MYCBPAP: variants seen among roughly 807,000 people sequenced by gnomAD.
The protein encoded by MYCBPAP is MYCBP associated protein.
A neutral mutation model predicts 106.1 loss-of-function variants in MYCBPAP; 60 were observed. The observed-to-expected ratio is 0.57, with a 90% CI of 0.46 to 0.70. The LOEUF (loss-of-function observed/expected upper bound fraction) is 0.70. Among genes scored for constraint, MYCBPAP ranks in the 30% least tolerant of loss-of-function variants. The pLI is 0.00. For synonymous variants in MYCBPAP, 407 were observed against 440.6 expected (o/e 0.92, Z 0.95); for missense variants, 1,064 against 1,169.3 (o/e 0.91, Z 1.31).
In MYCBPAP at chr17:50,508,587, T is replaced by C; in HGVS notation, c.-88T>C. The C allele has an allele frequency of 6.4e-7, 1 of 1,554,340 alleles. No homozygotes were observed. Among genetic ancestry groups the C allele is most frequent in the Non-Finnish European group, 8.7e-7 (1 of 1,148,444 alleles). On this transcript the variant is annotated 5_prime_UTR_variant, in exon 1 of 19. Coordinates refer to ENST00000323776, the MANE Select transcript of MYCBPAP (RefSeq NM_032133.6). ...GGGGCACCGGTTGCTGTGGACGCAG[T>C]GGCGGCCGTTGGCTGGCGGGTGCGG... is the stretch of plus-strand genomic sequence containing the variant.
At position 50,518,667 on chromosome 17, in the gene MYCBPAP, C is replaced by T. The variant is rs1422476259; in HGVS notation, c.595C>T (p.Leu199=). ...GGCCCCACCTCCTCAGCACAACTTT[C>T]TGAAAAACTGGCAGCGTAACACAGC... The part of the protein sequence containing the change: ...PWAPPPQHNF[L]KNWQRNTALR... Residue 199 remains leucine (L), a synonymous_variant, in exon 5 of 19, where the codon CTG becomes TTG. Transcript: ENST00000323776. 23 of 1,606,796 alleles carry T rather than the reference C, an allele frequency of 1.4e-5. No homozygotes were observed. The highest frequency in any genetic ancestry group is 2.0e-5 in the Non-Finnish European group (23 of 1,177,732).
At chr17:50,528,921 G>A in intron 17 of MYCBPAP, 81 bp downstream of exon 17, 1 of 1,598,542 alleles carries the variant, frequency 6.3e-7, no homozygotes. Context: ...GTGGAGGTGG[G>A]CATGTGCCCA....
rs200305585 is a variant in MYCBPAP at position 50,524,915 on chromosome 17, C to T, written c.1674C>T (p.Arg558=). The T allele has an allele frequency of 1.7e-5, 28 of 1,614,022 alleles. No homozygotes were observed. The highest frequency in any genetic ancestry group is 2.2e-5 in the East Asian group (1 of 44,882). Residue 558 remains arginine (R), a synonymous_variant, in exon 13 of 19, where the codon CGC becomes CGT. Transcript: ENST00000323776. Reference sequence around the variant, plus strand: ...CCCATGAGGCAGTCACCGTCGTTCGCGAAGTGCTGCAGGAGCTGCTGATGG... The same window carrying T: ...CCCATGAGGCAGTCACCGTCGTTCGTGAAGTGCTGCAGGAGCTGCTGATGG... ...LTAHEAVTVV[R]EVLQELLMGV...
intron 6 of MYCBPAP, 69 bp downstream of exon 6, chr17:50,519,158 T>C: frequency 8.9e-7 from 1 of 1,124,240 alleles, no homozygotes; most frequent in South Asian, 1.4e-5. Flanking sequence ...GGCAGGTGTC[T>C]GGACACAGGG....
In MYCBPAP at chr17:50,531,340, T is replaced by C. The variant is rs1008322552; in HGVS notation, c.2738T>C (p.Leu913Pro). 1.2e-6 allele frequency: 2 copies of C among 1,612,650 alleles called. No homozygotes were observed. Among genetic ancestry groups the C allele is most frequent in the Non-Finnish European group, 1.7e-6 (2 of 1,179,542 alleles). The part of the protein sequence containing the change: ...QSLHSEVRGL[L>P]DTLVTDLMVL... ...CCGTTCTTCCAGGTCCGTGGGCTGC[T>C]GGACACCCTGGTGACTGACCTGATG... Residue 913 changes from leucine (L) to proline (P), a missense_variant, in exon 19 of 19, where the codon CTG becomes CCG. Coordinates refer to ENST00000323776, the MANE Select transcript of MYCBPAP (RefSeq NM_032133.6).
Position 50,528,751 on chromosome 17 carries a change from G to A in MYCBPAP, c.2464G>A (p.Glu822Lys). 1.9e-6 allele frequency: 3 copies of A among 1,614,028 alleles called. No individual in the cohort carries two copies. Among genetic ancestry groups the A allele is most frequent in the Non-Finnish European group, 2.5e-6 (3 of 1,180,036 alleles). ...GGTACCTGTGGGGAAAGCTGGGAAG[G>A]AGGAGCGGAAAGGAGCAGCCCAGGA... ...VKVPVGKAGK[E>K]ERKGAAQEKK... The change falls in exon 17 of 19, where the codon GAG becomes AAG. Residue 822 changes from glutamate (E) to lysine (K), a missense_variant. Transcript: ENST00000323776.
At chr17:50,509,297 C>T in intron 1 of MYCBPAP, 1 of 624,994 alleles carries the variant, frequency 1.6e-6, no homozygotes, top group Non-Finnish European at 2.9e-6. Flanking sequence ...CTTTTCCTAC[C>T]ACGTGCACTT....
At position 50,518,718 on chromosome 17, in the gene MYCBPAP, C is replaced by G. The variant is rs1385640625; in HGVS notation, c.646C>G (p.Leu216Val). ...CCTGCGGAAGAAGCAGCAGGAAGCC[C>G]TCAGCGGTGAGCAGAGCAGACAGGG... ...TALRKKQQEA[L>V]SEHLKKPVSE... Residue 216 changes from leucine to valine, a missense_variant, in exon 5 of 19, where the codon CTC (leucine) becomes GTC (valine). Physicochemically the swap from Leu to Val is conservative, Grantham distance 32. Transcript: ENST00000323776. 6.3e-7 allele frequency: 1 copy of G among 1,582,710 alleles called. No homozygotes were observed. The highest frequency in any genetic ancestry group is 8.6e-7 in the Non-Finnish European group (1 of 1,167,614).
Position 50,519,062 on chromosome 17 carries a change from C to T in MYCBPAP, c.741C>T (p.Cys247=). The T allele has an allele frequency of 2.5e-6, 4 of 1,613,508 alleles. No homozygotes were observed. The highest frequency in any genetic ancestry group is 3.4e-6 in the Non-Finnish European group (4 of 1,179,930). ...RIQEERELID[C]TLPTRRDRKS... is the part of the protein sequence containing the mutation. Reference sequence around the variant, plus strand: ...AGGAGGAGCGGGAGCTCATTGACTGCACACTTCCAACCCGGCGTGATAGGA... The same window carrying T: ...AGGAGGAGCGGGAGCTCATTGACTGTACACTTCCAACCCGGCGTGATAGGA... The change falls in exon 6 of 19, where the codon TGC becomes TGT. Residue 247 remains cysteine, a synonymous_variant. Transcript: ENST00000323776.
intron 13 of MYCBPAP, 200 bp downstream of exon 13, chr17:50,525,223 A>T: frequency 1.7e-6 from 1 of 575,202 alleles, no homozygotes; most frequent in Non-Finnish European, 3.0e-6. Context: ...AGGGATGGAA[A>T]TTGTACACTC....
chr17:50,513,256 G>C (rs981162934), intron 1 of MYCBPAP, among the ~76,000 whole-genome samples: 1 of 149,058 alleles, frequency 6.7e-6, no homozygotes, highest in East Asian at 2.0e-4. Flanking sequence ...GCATGGTGGC[G>C]CATGCCTGTA....
In MYCBPAP at chr17:50,524,914, G is replaced by A. The variant is rs372142298; in HGVS notation, c.1673G>A (p.Arg558His). The change falls in exon 13 of 19, where the codon CGC (arginine) becomes CAC (histidine). Residue 558 changes from arginine (R) to histidine (H), a missense_variant. Arg to His is a conservative substitution (Grantham distance 29). Coordinates refer to ENST00000323776, the MANE Select transcript of MYCBPAP (RefSeq NM_032133.6). ...GCCCATGAGGCAGTCACCGTCGTTC[G>A]CGAAGTGCTGCAGGAGCTGCTGATG... Reference protein sequence around the residue: ...LTAHEAVTVVREVLQELLMGV... With the variant: ...LTAHEAVTVVHEVLQELLMGV... The A allele has an allele frequency of 2.5e-4, 398 of 1,613,978 alleles. 1 individual carries two copies. Among genetic ancestry groups the A allele is most frequent in the South Asian group, 1.9e-3 (171 of 91,088 alleles).
intron 18 of MYCBPAP, among the ~76,000 whole-genome samples, chr17:50,529,985 C>G (rs1472587964): frequency 6.6e-6 from 1 of 152,172 alleles, no homozygotes; most frequent in Non-Finnish European, 1.5e-5. Context: ...TGTCTATTGG[C>G]GACGTCTTGC....
intron 1 of MYCBPAP, chr17:50,510,333 C>T (rs1043069667): frequency 1.3e-5 from 2 of 151,604 alleles, no homozygotes; most frequent in South Asian, 4.2e-4. Context: ...TATGATCACA[C>T]CTGTGAATAG....
chr17:50,509,413 A>T, intron 1 of MYCBPAP: 1 of 430,268 alleles, frequency 2.3e-6, no homozygotes, highest in South Asian at 2.8e-5. Flanking sequence ...TGGGAGAGCC[A>T]CAGGGCGTCT....
rs1409217544 is a variant in MYCBPAP at position 50,518,964 on chromosome 17, C to G, written c.653-10C>G. 4 of 1,611,828 alleles carry G rather than the reference C, an allele frequency of 2.5e-6. No individual in the cohort carries two copies. The highest frequency in any genetic ancestry group is 3.4e-6 in the Non-Finnish European group (4 of 1,178,352). ...CGGCAGAGTGGCGGCAATCTTGCCTCTCTCTCTAGAACACCTAAAGAAGCC... is the reference window on the plus strand; with the variant it reads ...CGGCAGAGTGGCGGCAATCTTGCCTGTCTCTCTAGAACACCTAAAGAAGCC... On this transcript the variant is annotated splice_polypyrimidine_tract_variant and intron_variant, in intron 5 of 18. Coordinates refer to ENST00000323776, the MANE Select transcript of MYCBPAP (RefSeq NM_032133.6).
chr17:50,525,360 T>C (rs1248689024), intron 13 of MYCBPAP, among the ~76,000 whole-genome samples: 1 of 152,248 alleles, frequency 6.6e-6, no homozygotes, highest in Non-Finnish European at 1.5e-5. Flanking sequence ...CCAAAAAGGT[T>C]GGGGACTGCT....
Position 50,516,342 on chromosome 17 carries a change from G to C in MYCBPAP, c.77-228G>C, listed in dbSNP as rs1313077258. The stretch of plus-strand genomic sequence containing the variant: ...TCTGGCTACAGAAGTCTTAGTCACT[G>C]TGGTGAGCCAGGGGCTGTGGGTAGG... On this transcript the variant is annotated intron_variant, in intron 1 of 18. Transcript: ENST00000323776. Among the ~76,000 whole-genome samples, 3 of 152,204 alleles carry C rather than the reference G, an allele frequency of 2.0e-5. No individual in the cohort carries two copies. In the East Asian group the frequency reaches 5.8e-4, roughly 29 times the overall value.
In MYCBPAP at chr17:50,522,063, C is replaced by G. The variant is rs751447009; in HGVS notation, c.1239C>G (p.Gly413=). The change falls in exon 10 of 19, where the codon GGC becomes GGG. Residue 413 remains glycine (G), a synonymous_variant. Coordinates refer to ENST00000323776, the MANE Select transcript of MYCBPAP (RefSeq NM_032133.6). ...FCGKPACWIR[G]SNPQDKRQVG... is the part of the protein sequence containing the mutation. ...GGAAGCCAGCTTGCTGGATCAGAGG[C>G]AGTAATCCACAGGACAAGGTAAAAC... 6.2e-7 allele frequency: 1 copy of G among 1,613,632 alleles called. No homozygotes were observed. Among genetic ancestry groups the G allele is most frequent in the Non-Finnish European group, 8.5e-7 (1 of 1,179,776 alleles).
Sources: gnomAD v4.1 joint callset for allele counts (sites outside exome capture counted in the v4.1 genomes callset) on GRCh38, gnomAD v4.1.1 for gene constraint, MANE v1.5 for transcripts, NCBI Gene and HGNC (gene_info 2026-07-23, HGNC 2026-07-21) for gene names.